Variants in PTPRD observed in about 807,000 individuals in gnomAD.
PTPRD encodes receptor-type tyrosine-protein phosphatase delta.
PTPRD carries 34 observed loss-of-function variants against 214.5 expected under a neutral mutation model. The ratio of observed to expected loss-of-function variants is 0.16; its 90% CI spans 0.12 to 0.21. The LOEUF (loss-of-function observed/expected upper bound fraction) is 0.21, where lower values mean the gene tolerates loss of function less well. PTPRD is among the 10% of genes least tolerant of loss of function. The probability of loss-of-function intolerance (pLI) is 1.00; values close to 1 mark genes in which losing one functional copy is unlikely to be tolerated. For synonymous variants in PTPRD, 1,128 were observed against 845.7 expected (o/e 1.33, Z -5.79); for missense variants, 2,545 against 2,398.7 (o/e 1.06, Z -1.27).
chr9:10,204,414 TAA>T (rs2099455452), intron 3 of PTPRD, among the ~76,000 whole-genome samples: 1 of 152,178 alleles, frequency 6.6e-6, no homozygotes, highest in South Asian at 2.1e-4. Context: ...GTTTCCACAC[TAA>T]GTTTTATCAC....
intron 9 of PTPRD, among the ~76,000 whole-genome samples, chr9:9,220,915 T>C (rs1161491376): frequency 6.6e-6 from 1 of 152,070 alleles, no homozygotes; most frequent in East Asian, 1.9e-4. Context: ...GTTGATAACC[T>C]GGTGTATGAG....
chr9:9,784,387 A>G (rs766412923), intron 5 of PTPRD, among the ~76,000 whole-genome samples: 9 of 152,120 alleles, frequency 5.9e-5, no homozygotes, highest in Non-Finnish European at 1.2e-4. Context: ...TGGCTTATTT[A>G]CAATAAATAA....
chr9:9,461,247 G>A (rs2093629567), intron 8 of PTPRD, among the ~76,000 whole-genome samples: 1 of 152,064 alleles, frequency 6.6e-6, no homozygotes, highest in African/African-American at 2.4e-5. Flanking sequence ...TAGGTGATAT[G>A]TTCACTAGAA....
At chr9:10,087,920 T>C (rs1359371477) in intron 3 of PTPRD, among the ~76,000 whole-genome samples, 1 of 151,764 alleles carries the variant, frequency 6.6e-6, no homozygotes, top group Non-Finnish European at 1.5e-5. Context: ...TTTTGCAGAC[T>C]ACTAATACAG....
intron 7 of PTPRD, among the ~76,000 whole-genome samples, chr9:9,631,221 A>G (rs2095580902): frequency 1.3e-5 from 2 of 150,952 alleles, no homozygotes; most frequent in Admixed American, 1.3e-4. Context: ...AAATAAATAA[A>G]TAAAAAGAAA....
chr9:8,923,551 C>T (rs950413515), intron 11 of PTPRD, among the ~76,000 whole-genome samples: 10 of 152,064 alleles, frequency 6.6e-5, no homozygotes, highest in Non-Finnish European at 8.8e-5. Context: ...ACCAGCAAGA[C>T]GTACAGAATG....
intron 9 of PTPRD, among the ~76,000 whole-genome samples, chr9:9,225,983 A>G (rs1211533141): frequency 6.6e-6 from 1 of 152,040 alleles, no homozygotes. Flanking sequence ...GGAGCCTGTT[A>G]CTGAGGAAAA....
intron 10 of PTPRD, among the ~76,000 whole-genome samples, chr9:9,168,537 A>T (rs1234218853): frequency 1.3e-5 from 2 of 152,158 alleles, no homozygotes; most frequent in African/African-American, 4.8e-5. Context: ...GTTGTCTCAA[A>T]ATGTCTTTTG....
At chr9:8,946,452 C>T (rs925722139) in intron 11 of PTPRD, among the ~76,000 whole-genome samples, 5 of 151,962 alleles carry the variant, frequency 3.3e-5, no homozygotes, top group Admixed American at 1.3e-4. Flanking sequence ...GGGAGTAATA[C>T]GAGGTTAATA....
chr9:10,330,306 A>G (rs574921150), intron 3 of PTPRD, among the ~76,000 whole-genome samples: 4 of 151,960 alleles, frequency 2.6e-5, no homozygotes, highest in Admixed American at 2.0e-4. Context: ...GAAAAATAAT[A>G]AAACAGATAT....
intron 12 of PTPRD, among the ~76,000 whole-genome samples, chr9:8,689,458 G>C (rs2097759221): frequency 3.3e-5 from 5 of 150,810 alleles, no homozygotes; most frequent in Non-Finnish European, 7.3e-5. Context: ...CACATGGCTG[G>C]GAAGGCCTCA....
At chr9:9,948,781 A>C (rs1447843707) in intron 4 of PTPRD, among the ~76,000 whole-genome samples, 3 of 152,076 alleles carry the variant, frequency 2.0e-5, no homozygotes, top group Admixed American at 2.0e-4. Context: ...AATAGGTAGT[A>C]TTATATTAGA....
chr9:9,136,784 A>C (rs1016055295), intron 10 of PTPRD, among the ~76,000 whole-genome samples: 1 of 152,212 alleles, frequency 6.6e-6, no homozygotes, highest in African/African-American at 2.4e-5. Context: ...CTATATGACA[A>C]GTTTAACATA....
intron 39 of PTPRD, among the ~76,000 whole-genome samples, chr9:8,367,153 A>AGGG (rs2134168177): frequency 6.6e-6 from 1 of 152,312 alleles, no homozygotes; most frequent in South Asian, 2.1e-4. Context: ...TGTATGCTTT[A>AGGG]AAAGGTTATA....
At chr9:9,853,397 A>G (rs7033762) in intron 5 of PTPRD, among the ~76,000 whole-genome samples, 119,606 of 151,736 alleles carry the variant, frequency 0.79, 48,434 homozygotes, top group East Asian at 0.94. Context: ...TTCTTGTTTC[A>G]GGACCATATG....
chr9:8,622,160 G>A (rs375180874), intron 14 of PTPRD, among the ~76,000 whole-genome samples: 3 of 151,818 alleles, frequency 2.0e-5, no homozygotes, highest in South Asian at 4.2e-4. Context: ...ACTATTAGTT[G>A]GGAGAGAAAC....
At chr9:10,002,493 A>T (rs919008927) in intron 4 of PTPRD, among the ~76,000 whole-genome samples, 3 of 151,088 alleles carry the variant, frequency 2.0e-5, no homozygotes, top group African/African-American at 7.3e-5. Flanking sequence ...GGATGATAAG[A>T]TACATGTCAT....
chr9:8,726,007 G>T (rs2098552208), intron 12 of PTPRD, among the ~76,000 whole-genome samples: 1 of 146,800 alleles, frequency 6.8e-6, no homozygotes, highest in African/African-American at 2.6e-5. Context: ...TTTCCACATA[G>T]CAGACAGACA....
intron 37 of PTPRD, 60 bp downstream of exon 37, chr9:8,389,172 G>T: frequency 1.4e-6 from 2 of 1,417,704 alleles, no homozygotes; most frequent in Non-Finnish European, 9.6e-7. Context: ...AATAAAATAT[G>T]CAACATAGGG....
Sources: gnomAD v4.1 joint callset for allele counts (sites outside exome capture counted in the v4.1 genomes callset) on GRCh38, gnomAD v4.1.1 for gene constraint, MANE v1.5 for transcripts, NCBI Gene and HGNC (gene_info 2026-07-23, HGNC 2026-07-21) for gene names.